Variants in FBXL20 observed in about 807,000 individuals in gnomAD.
The protein encoded by FBXL20 is F-box/LRR-repeat protein 20.
Under a neutral mutation model 64.0 loss-of-function variants are expected in FBXL20, and 11 were observed. The ratio of observed to expected loss-of-function variants is 0.17; its 90% CI spans 0.11 to 0.28. FBXL20 has a LOEUF of 0.28. Ranked by LOEUF, FBXL20 falls within the 10% of genes least tolerant of loss-of-function variation. FBXL20 has a pLI of 1.00. For missense variants in FBXL20, 303 were observed against 526.2 expected, an observed-to-expected ratio of 0.58 and a Z score of 4.15; for synonymous variants, 184 against 189.0, an observed-to-expected ratio of 0.97 and a Z score of 0.22.
At chr17:39,311,834 A>C (rs1038939722) in intron 2 of FBXL20, among the ~76,000 whole-genome samples, 2 of 152,206 alleles carry the variant, frequency 1.3e-5, no homozygotes, top group African/African-American at 4.8e-5. Flanking sequence ...AGGCTTTACA[A>C]GCAATGATCC....
At chr17:39,292,300 AGTAT>A in intron 6 of FBXL20, among the ~76,000 whole-genome samples, 1 of 150,612 alleles carries the variant, frequency 6.6e-6, no homozygotes, top group South Asian at 2.1e-4. Context: ...TATTTATAAT[AGTAT>A]GTATTTTCCC....
At chr17:39,332,978 CTTTTT>C (rs935825430) in intron 2 of FBXL20, among the ~76,000 whole-genome samples, 1 of 151,870 alleles carries the variant, frequency 6.6e-6, no homozygotes, top group Non-Finnish European at 1.5e-5. Context: ...TTTCCTTTTT[CTTTTT>C]TAAGAGATAG....
chr17:39,352,961 G>T (rs550739033), intron 1 of FBXL20, among the ~76,000 whole-genome samples: 2 of 152,200 alleles, frequency 1.3e-5, no homozygotes, highest in African/African-American at 4.8e-5. Flanking sequence ...TTTCAGGAGA[G>T]TACTTAAAGA....
At chr17:39,361,511 T>C (rs1384520964) in intron 1 of FBXL20, among the ~76,000 whole-genome samples, 2 of 152,106 alleles carry the variant, frequency 1.3e-5, no homozygotes, top group African/African-American at 4.8e-5. Context: ...AGAAGAAATG[T>C]TTTTGGTCAG....
chr17:39,313,685 G>A (rs751183774), intron 2 of FBXL20, among the ~76,000 whole-genome samples: 1 of 151,842 alleles, frequency 6.6e-6, no homozygotes, highest in Non-Finnish European at 1.5e-5. Context: ...GCCCAGGCTG[G>A]AGTGCAATGG....
rs1016349014 is a variant in FBXL20, at chr17:39,265,805, C to T, written c.934-352G>A. ...CCAAAGCTCTACAGGCCACCATGTG[C>T]GATCACAGCTCATTGCAGCCTCAAC... On this transcript the variant is annotated intron_variant, in intron 12 of 14. Coordinates refer to ENST00000264658, the MANE Select transcript of FBXL20 (RefSeq NM_032875.3). 3.3e-5 allele frequency among the ~76,000 whole-genome samples: 5 copies of T among 151,522 alleles called. No homozygotes were observed. In the South Asian group the frequency reaches 6.2e-4, roughly 19 times the overall value.
At chr17:39,273,810 ACT>A (rs2046867668) in intron 10 of FBXL20, among the ~76,000 whole-genome samples, 3 of 125,010 alleles carry the variant, frequency 2.4e-5, no homozygotes, top group South Asian at 3.9e-4. Context: ...ACAGAGCAAG[ACT>A]CTGTTTCAGA....
rs550103772 is a variant in FBXL20 at position 39,396,772 on chromosome 17, G to A, written c.42+4589C>T. On this transcript the variant is annotated intron_variant, in intron 1 of 14. Coordinates refer to ENST00000264658, the MANE Select transcript of FBXL20 (RefSeq NM_032875.3). ...AGATTGAGACCATCCTGGCTAACACGGTGAAACCCCGTCTCTACTAAAAAT... is the reference window on the plus strand; with the variant it reads ...AGATTGAGACCATCCTGGCTAACACAGTGAAACCCCGTCTCTACTAAAAAT... 4.0e-3 allele frequency among the ~76,000 whole-genome samples: 606 copies of A among 151,582 alleles called. 8 individuals carry two copies. The highest frequency in any genetic ancestry group is 0.014 in the African/African-American group (569 of 41,334).
At chr17:39,388,704 G>A (rs894821286) in intron 1 of FBXL20, among the ~76,000 whole-genome samples, 3 of 150,964 alleles carry the variant, frequency 2.0e-5, no homozygotes, top group Admixed American at 6.6e-5. Flanking sequence ...GGATGGTCTC[G>A]ATCTCTTGAC....
At chr17:39,334,649 G>C (rs1329153791) in intron 2 of FBXL20, among the ~76,000 whole-genome samples, 1 of 152,026 alleles carries the variant, frequency 6.6e-6, no homozygotes, top group Non-Finnish European at 1.5e-5. Context: ...TTTTTTACCT[G>C]AATCCTTTAA....
At chr17:39,401,688 T>C, upstream of FBXL20, 1 of 1,240,162 alleles carries the variant, frequency 8.1e-7, no homozygotes, top group Non-Finnish European at 1.0e-6. Context: ...CCGCTGCTCA[T>C]TGGACAGAGC....
chr17:39,339,142 T>C (rs536927027), intron 2 of FBXL20, among the ~76,000 whole-genome samples: 3 of 111,192 alleles, frequency 2.7e-5, no homozygotes, highest in African/African-American at 3.9e-5. Context: ...CACTCCAACC[T>C]GGGAGACAGT....
At chr17:39,320,484 A>G (rs1039214396) in intron 2 of FBXL20, among the ~76,000 whole-genome samples, 2 of 152,116 alleles carry the variant, frequency 1.3e-5, no homozygotes, top group African/African-American at 2.4e-5. Flanking sequence ...TATTTCACAC[A>G]TAACTATTAG....
chr17:39,321,907 T>TA (rs1240927807), intron 2 of FBXL20, among the ~76,000 whole-genome samples: 4 of 152,060 alleles, frequency 2.6e-5, no homozygotes, highest in Non-Finnish European at 5.9e-5. Context: ...ACCATATTCC[T>TA]AAAAAATCAG....
intron 1 of FBXL20, among the ~76,000 whole-genome samples, chr17:39,400,512 T>C (rs2048230793): frequency 6.6e-6 from 1 of 152,210 alleles, no homozygotes; most frequent in Admixed American, 6.5e-5. Context: ...AGAAGTTTCT[T>C]TCTCTTGACC....
At chr17:39,301,503 G>A (rs545960877) in intron 3 of FBXL20, among the ~76,000 whole-genome samples, 4 of 152,088 alleles carry the variant, frequency 2.6e-5, no homozygotes, top group African/African-American at 4.8e-5. Flanking sequence ...CGAGGCAGGC[G>A]GATCACCTGA....
At chr17:39,388,770 C>G (rs527891985) in intron 1 of FBXL20, among the ~76,000 whole-genome samples, 4 of 150,404 alleles carry the variant, frequency 2.7e-5, no homozygotes, top group South Asian at 4.2e-4. Flanking sequence ...GTGTGAGCCA[C>G]CGCGCCCGGC....
chr17:39,283,910 A>G (rs1368504292), intron 7 of FBXL20, among the ~76,000 whole-genome samples: 1 of 126,702 alleles, frequency 7.9e-6, no homozygotes, highest in African/African-American at 4.2e-5. Flanking sequence ...CCAGAAGATA[A>G]AGCCATGATA....
At chr17:39,287,897 G>A (rs2047002649) in intron 6 of FBXL20, among the ~76,000 whole-genome samples, 1 of 151,428 alleles carries the variant, frequency 6.6e-6, no homozygotes. Flanking sequence ...CTCTCTTTTT[G>A]AATACAGCTA....
Sources: gnomAD v4.1 joint callset for allele counts (sites outside exome capture counted in the v4.1 genomes callset) on GRCh38, gnomAD v4.1.1 for gene constraint, MANE v1.5 for transcripts, NCBI Gene and HGNC (gene_info 2026-07-23, HGNC 2026-07-21) for gene names.